Variants in SPO11 observed in about 807,000 individuals in gnomAD.
The protein encoded by SPO11 is meiotic recombination protein SPO11.
SPO11 carries 49 observed loss-of-function variants against 51.6 expected under a neutral mutation model. The observed-to-expected ratio is 0.95, with a 90% CI of 0.75 to 1.20. The LOEUF (loss-of-function observed/expected upper bound fraction) is 1.20, where lower values mean the gene tolerates loss of function less well. Ranked by LOEUF, SPO11 falls within the 50% of genes most tolerant of loss-of-function variation. The pLI is 0.00. For missense variants in SPO11, 431 were observed against 473.4 expected, an observed-to-expected ratio of 0.91 and a Z score of 0.83; for synonymous variants, 176 against 158.2, an observed-to-expected ratio of 1.11 and a Z score of -0.84.
In SPO11 at chr20:57,343,636, T is replaced by C; in HGVS notation, c.*176T>C. 1.6e-6 allele frequency: 1 copy of C among 612,220 alleles called. No homozygotes were observed. The highest frequency in any genetic ancestry group is 2.5e-6 in the Non-Finnish European group (1 of 395,788). 37.9% of individuals were successfully genotyped at this position (612,220 alleles called of 1,614,324 possible). On this transcript the variant is annotated 3_prime_UTR_variant, in exon 13 of 13. Transcript: ENST00000371263. Reference sequence around the variant, plus strand: ...AACAAATGCTGTACTCCAATTTTCTTTGCAAGGCCTTATTCTTGCCTCTAT... The same window carrying C: ...AACAAATGCTGTACTCCAATTTTCTCTGCAAGGCCTTATTCTTGCCTCTAT...
At chr20:57,333,537 G>T in intron 3 of SPO11, 150 bp from the exon 4 acceptor site, 1 of 632,808 alleles carries the variant, frequency 1.6e-6, no homozygotes, top group East Asian at 2.8e-5. Context: ...AACTGATTCT[G>T]CAGGTAATTG....
At position 57,334,658 on chromosome 20, in the gene SPO11, C is replaced by T; in HGVS notation, c.511-92C>T. ...TGAAATTTCAATCCAAGTGAAAATGCCAGTAATTCAGCAGATGAACACAAG... is the reference window on the plus strand; with the variant it reads ...TGAAATTTCAATCCAAGTGAAAATGTCAGTAATTCAGCAGATGAACACAAG... On this transcript the variant is annotated intron_variant, in intron 5 of 12. Coordinates refer to ENST00000371263, the MANE Select transcript of SPO11 (RefSeq NM_012444.3). The T allele has an allele frequency of 3.4e-6, 3 of 870,034 alleles. No individual in the cohort carries two copies. In the South Asian group the frequency reaches 5.8e-5, roughly 17 times the overall value. The allele number at this position is 870,034 out of a possible 1,614,324, so 53.9% of individuals were successfully genotyped here.
intron 1 of SPO11, among the ~76,000 whole-genome samples, chr20:57,330,320 G>A (rs1279200826): frequency 6.6e-6 from 1 of 152,084 alleles, no homozygotes; most frequent in African/African-American, 2.4e-5. Flanking sequence ...GGTACAGTTA[G>A]CTTTGTATTT....
At position 57,335,406 on chromosome 20, in the gene SPO11, T is replaced by A; in HGVS notation, c.598-13T>A. 2 of 1,601,618 alleles carry A rather than the reference T, an allele frequency of 1.2e-6. No individual in the cohort carries two copies. The highest frequency in any genetic ancestry group is 1.7e-6 in the Non-Finnish European group (2 of 1,176,098). Reference sequence around the variant, plus strand: ...TTGCTTTTTATGTAAGATAAAAACTTTTTTTTTAAAAGGCTGTTGCTGTGC... The same window carrying A: ...TTGCTTTTTATGTAAGATAAAAACTATTTTTTTAAAAGGCTGTTGCTGTGC... On this transcript the variant is annotated splice_polypyrimidine_tract_variant and intron_variant, in intron 6 of 12. Transcript: ENST00000371263.
chr20:57,333,668 G>A lies in SPO11; in HGVS notation c.335-19G>A. 2 of 1,327,424 alleles carry A rather than the reference G, an allele frequency of 1.5e-6. No homozygotes were observed. The highest frequency in any genetic ancestry group is 2.2e-6 in the Non-Finnish European group (2 of 929,700). The allele number at this position is 1,327,424 out of a possible 1,614,324, so 82.2% of individuals were successfully genotyped here. On this transcript the variant is annotated intron_variant, in intron 3 of 12. Transcript: ENST00000371263. ...AAGAGAAATGATGAGTAACTTGTTT[G>A]TTGAATTTTATTTTCCAGCTCTAAT...
chr20:57,335,079 C>T (rs1410242160), intron 6 of SPO11, among the ~76,000 whole-genome samples: 2 of 152,140 alleles, frequency 1.3e-5, no homozygotes, highest in Admixed American at 1.3e-4. Context: ...CTATTATTTT[C>T]AGATAAAGTG....
intron 8 of SPO11, among the ~76,000 whole-genome samples, chr20:57,336,296 A>G (rs1251196287): frequency 6.6e-6 from 1 of 152,224 alleles, no homozygotes; most frequent in Non-Finnish European, 1.5e-5. Flanking sequence ...CGTCAGAGTC[A>G]GTTTGACTTA....
At chr20:57,343,251 G>A (rs2066605692) in intron 12 of SPO11, 90 bp from the exon 13 acceptor site, 1 of 1,484,352 alleles carries the variant, frequency 6.7e-7, no homozygotes, top group Admixed American at 2.1e-5. Flanking sequence ...TGGTTTTGGA[G>A]AATAAAGCAA....
At chr20:57,330,134 A>G (rs2066427908) in intron 1 of SPO11, 136 bp downstream of exon 1, 4 of 1,282,738 alleles carry the variant, frequency 3.1e-6, no homozygotes, top group Non-Finnish European at 3.1e-6. Flanking sequence ...CCCCAAAAAG[A>G]TCCTTCCTGA....
At chr20:57,335,709 GCTTT>G in intron 7 of SPO11, 85 bp from the exon 8 acceptor site, 1 of 807,110 alleles carries the variant, frequency 1.2e-6, no homozygotes. Context: ...ATCTATAGCT[GCTTT>G]TGAATTATCT....
chr20:57,338,450 T>TC (rs2066540417), intron 9 of SPO11, 75 bp downstream of exon 9: 7 of 1,196,894 alleles, frequency 5.8e-6, no homozygotes, highest in Non-Finnish European at 8.3e-6. Context: ...CTTCCTCTTT[T>TC]TTTTTTTTTC....
In SPO11 at chr20:57,329,964, G is replaced by T; in HGVS notation, c.97G>T (p.Glu33Ter). 2 of 1,610,780 alleles carry T rather than the reference G, an allele frequency of 1.2e-6. No individual in the cohort carries two copies. The highest frequency in any genetic ancestry group is 1.7e-6 in the Non-Finnish European group (2 of 1,179,116). Reference sequence around the variant, plus strand: ...GGCTGCCCTGAGGAGAGGTGGCAGGGAGCCCCCAACTGGGGGAAGCCGCCT... The same window carrying T: ...GGCTGCCCTGAGGAGAGGTGGCAGGTAGCCCCCAACTGGGGGAAGCCGCCT... ...LLAALRRGGREPPTGGSRLAS... is the reference protein window; with the variant it reads ...LLAALRRGGR Residue 33 changes from glutamate to a stop codon, truncating the protein, a stop_gained, in exon 1 of 13, where the codon GAG becomes TAG. Transcript: ENST00000371263. LOFTEE classifies it high-confidence loss of function.
At position 57,333,256 on chromosome 20, in the gene SPO11, C is replaced by T. The variant is rs769329269; in HGVS notation, c.314C>T (p.Pro105Leu). 6.2e-7 allele frequency: 1 copy of T among 1,607,132 alleles called. No individual in the cohort carries two copies. Among genetic ancestry groups the T allele is most frequent in the Non-Finnish European group, 8.5e-7 (1 of 1,178,150 alleles). Residue 105 changes from proline (P) to leucine (L), a missense_variant, in exon 3 of 13, where the codon CCA (proline) becomes CTA (leucine). Pro to Leu is a moderately conservative substitution (Grantham distance 98). This residue lies in a region of SPO11 where 405 missense variants were observed against 425.9 expected (regional missense o/e 0.95). Transcript: ENST00000371263. ...CTTRKIKSDS[P>L]KSAQKFSLIL... Reference sequence around the variant, plus strand: ...ACCAGAAAGATCAAAAGTGATTCACCAAAATCAGCTCAAAAATTTTGTAAG... The same window carrying T: ...ACCAGAAAGATCAAAAGTGATTCACTAAAATCAGCTCAAAAATTTTGTAAG...
At chr20:57,337,853 C>T (rs942910457) in intron 8 of SPO11, 15 of 818,358 alleles carry the variant, frequency 1.8e-5, no homozygotes, top group Admixed American at 5.4e-5. Context: ...GAGTACTAAC[C>T]GTTGTATGAG....
At chr20:57,333,870 C>T in intron 4 of SPO11, 117 bp downstream of exon 4, 1 of 910,416 alleles carries the variant, frequency 1.1e-6, no homozygotes, top group Non-Finnish European at 1.7e-6. Context: ...TCATAATTTA[C>T]TTTCTTTATA....
chr20:57,335,408 T>C lies in SPO11; in HGVS notation c.598-11T>C. 1.9e-6 allele frequency: 3 copies of C among 1,602,200 alleles called. No homozygotes were observed. Among genetic ancestry groups the C allele is most frequent in the Non-Finnish European group, 2.6e-6 (3 of 1,176,470 alleles). ...GCTTTTTATGTAAGATAAAAACTTT[T>C]TTTTTAAAAGGCTGTTGCTGTGCCA... On this transcript the variant is annotated splice_polypyrimidine_tract_variant and intron_variant, in intron 6 of 12. Transcript: ENST00000371263.
At position 57,343,444 on chromosome 20, in the gene SPO11, T is replaced by G. The variant is rs1487578306; in HGVS notation, c.1175T>G (p.Phe392Cys). Residue 392 changes from phenylalanine to cysteine, a missense_variant, in exon 13 of 13, where the codon TTT becomes TGT. Phe to Cys is a radical substitution (Grantham distance 205). Coordinates refer to ENST00000371263, the MANE Select transcript of SPO11 (RefSeq NM_012444.3). The stretch of plus-strand genomic sequence containing the variant: ...GTGTACTTACCTAACAAATTAAAAT[T>G]TGGAGGATGGATATAAAAATAAATC... ...SRVYLPNKLKFGGWI is the reference protein window; with the variant it reads ...SRVYLPNKLKCGGWI The G allele has an allele frequency of 6.3e-7, 1 of 1,596,912 alleles. No homozygotes were observed. The highest frequency in any genetic ancestry group is 2.3e-5 in the East Asian group (1 of 44,378).
rs1485655240 is a variant in SPO11, at chr20:57,338,328, A to G, written c.797A>G (p.Asp266Gly). The change falls in exon 9 of 13, where the codon GAT becomes GGT. Residue 266 changes from aspartate to glycine, a missense_variant. Physicochemically the swap from Asp to Gly is moderately conservative, Grantham distance 94. Transcript: ENST00000371263. Reference sequence around the variant, plus strand: ...AGACTTTTAGTCAAGAAACTGTGGGATACATTTCATGTTCCTGTTTTCACT... The same window carrying G: ...AGACTTTTAGTCAAGAAACTGTGGGGTACATTTCATGTTCCTGTTTTCACT... ...NTRLLVKKLWDTFHVPVFTLV... is the reference protein window; with the variant it reads ...NTRLLVKKLWGTFHVPVFTLV... The G allele has an allele frequency of 6.2e-7, 1 of 1,613,894 alleles. No individual in the cohort carries two copies. The highest frequency in any genetic ancestry group is 1.3e-5 in the African/African-American group (1 of 74,928).
chr20:57,334,663 A>G, intron 5 of SPO11, 87 bp from the exon 6 acceptor site: 1 of 946,660 alleles, frequency 1.1e-6, no homozygotes, highest in Non-Finnish European at 1.6e-6. Flanking sequence ...AAATGCCAGT[A>G]ATTCAGCAGA....
Sources: gnomAD v4.1 joint callset for allele counts (sites outside exome capture counted in the v4.1 genomes callset) on GRCh38, gnomAD v4.1.1 for gene constraint, gnomAD v4.1.1 regional missense constraint, MANE v1.5 for transcripts, NCBI Gene and HGNC (gene_info 2026-07-23, HGNC 2026-07-21) for gene names.